VPS37A: variants seen among roughly 807,000 people sequenced by gnomAD.
The protein encoded by VPS37A is vacuolar protein sorting-associated protein 37A.
VPS37A carries 30 observed loss-of-function variants against 49.8 expected under a neutral mutation model. That is an observed-to-expected ratio of 0.60 (90% confidence interval 0.45 to 0.82). VPS37A has a LOEUF of 0.82. Among genes scored for constraint, VPS37A ranks in the 40% least tolerant of loss-of-function variants. The pLI is 0.00. For missense variants in VPS37A, 593 were observed against 464.4 expected, an observed-to-expected ratio of 1.28 and a Z score of -2.55; for synonymous variants, 195 against 160.6, an observed-to-expected ratio of 1.21 and a Z score of -1.62.
intron 1 of VPS37A, chr8:17,248,115 CT>C: frequency 5.5e-6 from 2 of 361,422 alleles, no homozygotes; most frequent in African/African-American, 2.1e-5. Context: ...TTGCTGCAGC[CT>C]TTTACATTGC....
At chr8:17,318,921 G>A in the VPS37A span, among the ~76,000 whole-genome samples, 2 of 152,136 alleles carry the variant, frequency 1.3e-5, no homozygotes, top group Non-Finnish European at 1.5e-5. Flanking sequence ...CATCTCCAAC[G>A]TCTCCTGAAA....
At chr8:17,279,044 T>C (rs940067683) in intron 6 of VPS37A, among the ~76,000 whole-genome samples, 1 of 152,140 alleles carries the variant, frequency 6.6e-6, no homozygotes, top group Non-Finnish European at 1.5e-5. Flanking sequence ...TCTTTAAATA[T>C]TTTATGAATA....
At chr8:17,317,409 A>C in the VPS37A span, among the ~76,000 whole-genome samples, 1 of 152,160 alleles carries the variant, frequency 6.6e-6, no homozygotes, top group Non-Finnish European at 1.5e-5. Flanking sequence ...CCAGTGTCCT[A>C]AGAGGACAGC....
chr8:17,300,305 T>C, downstream of VPS37A: 1 of 1,395,616 alleles, frequency 7.2e-7, no homozygotes. Flanking sequence ...TAGCATTTGT[T>C]ACCTCCCACG....
chr8:17,304,578 A>T, downstream of VPS37A: 2 of 1,537,842 alleles, frequency 1.3e-6, no homozygotes, highest in Non-Finnish European at 8.9e-7. Flanking sequence ...CACAGTAGAT[A>T]TGTTATATTA....
chr8:17,268,834 C>A, intron 3 of VPS37A, 22 bp from the exon 4 acceptor site: 1 of 1,463,394 alleles, frequency 6.8e-7, no homozygotes, highest in Non-Finnish European at 9.5e-7. Context: ...TGATTTTAAG[C>A]GTCATGTATT....
intron 6 of VPS37A, among the ~76,000 whole-genome samples, chr8:17,278,279 T>C (rs904325760): frequency 1.3e-5 from 2 of 152,122 alleles, no homozygotes; most frequent in African/African-American, 2.4e-5. Context: ...CCTGAAATCA[T>C]TGACCATCAT....
intron 6 of VPS37A, among the ~76,000 whole-genome samples, chr8:17,277,835 C>T (rs957915087): frequency 1.3e-5 from 2 of 149,172 alleles, no homozygotes; most frequent in African/African-American, 4.9e-5. Flanking sequence ...AATAATGAAC[C>T]ATTTCTCCCC....
chr8:17,247,406 A>T, intron 1 of VPS37A, 37 bp downstream of exon 1: 6 of 58,912 alleles, frequency 1.0e-4, no homozygotes, highest in East Asian at 6.3e-4. Flanking sequence ...AGGAAAAAGT[A>T]GGGTGGGAGG....
At chr8:17,305,398 T>A (rs1397442263), downstream of VPS37A, among the ~76,000 whole-genome samples, 1 of 152,194 alleles carries the variant, frequency 6.6e-6, no homozygotes, top group African/African-American at 2.4e-5. Context: ...GCTTTCCCAA[T>A]TAAATTTGCA....
At chr8:17,266,886 C>T (rs1813514723) in intron 2 of VPS37A, among the ~76,000 whole-genome samples, 1 of 152,144 alleles carries the variant, frequency 6.6e-6, no homozygotes. Context: ...GATTCTCCTG[C>T]CTCAGCTTCT....
chr8:17,248,374 C>A (rs1250858554), intron 1 of VPS37A: 2 of 455,296 alleles, frequency 4.4e-6, no homozygotes, highest in Admixed American at 2.4e-5. Context: ...AAGCAATCAT[C>A]CTCCCTCAGC....
At chr8:17,326,775 C>A in the VPS37A span, among the ~76,000 whole-genome samples, 489 of 152,346 alleles carry the variant, frequency 3.2e-3, 3 homozygotes, top group Non-Finnish European at 5.4e-3. Context: ...CGCAGCCCAG[C>A]TGCCACTTTG....
At chr8:17,261,381 A>G (rs574309814) in intron 1 of VPS37A, among the ~76,000 whole-genome samples, 4 of 152,220 alleles carry the variant, frequency 2.6e-5, no homozygotes, top group South Asian at 4.1e-4. Context: ...TTTTTGTTTT[A>G]TCTTGGAGAT....
intron 6 of VPS37A, among the ~76,000 whole-genome samples, chr8:17,278,576 C>T (rs541978512): frequency 6.3e-4 from 96 of 152,092 alleles, no homozygotes; most frequent in Non-Finnish European, 1.2e-3. Flanking sequence ...GCTGTGGGCT[C>T]ATCATGAACA....
downstream of VPS37A, chr8:17,299,766 T>C: frequency 6.6e-7 from 1 of 1,513,198 alleles, no homozygotes; most frequent in African/African-American, 1.4e-5. Flanking sequence ...CTCAATGACA[T>C]GCACCATTTC....
At chr8:17,282,214 C>G (rs1055895577) in intron 9 of VPS37A, among the ~76,000 whole-genome samples, 2 of 151,894 alleles carry the variant, frequency 1.3e-5, no homozygotes, top group South Asian at 2.1e-4. Context: ...ATGGAACAGA[C>G]TATGTAGTTC....
the VPS37A span, among the ~76,000 whole-genome samples, chr8:17,330,825 T>C: frequency 7.9e-5 from 12 of 152,266 alleles, no homozygotes; most frequent in African/African-American, 2.6e-4. Context: ...AAATGTAGGA[T>C]TGCCTTATTC....
At chr8:17,258,166 C>T (rs953330283) in intron 1 of VPS37A, among the ~76,000 whole-genome samples, 3 of 152,104 alleles carry the variant, frequency 2.0e-5, no homozygotes, top group African/African-American at 7.2e-5. Flanking sequence ...ATTGCTCTGG[C>T]CAAGACTTCC....
Sources: gnomAD v4.1 joint callset for allele counts (sites outside exome capture counted in the v4.1 genomes callset) on GRCh38, gnomAD v4.1.1 for gene constraint, MANE v1.5 for transcripts, NCBI Gene and HGNC (gene_info 2026-07-23, HGNC 2026-07-21) for gene names.